Variants in NMBR observed in about 807,000 individuals in gnomAD.
The protein encoded by NMBR is neuromedin-B receptor.
A neutral mutation model predicts 20.5 loss-of-function variants in NMBR; 16 were observed. The ratio of observed to expected loss-of-function variants is 0.78; its 90% CI spans 0.53 to 1.19. The LOEUF is 1.19. Ranked by LOEUF, NMBR falls within the 50% of genes most tolerant of loss-of-function variation. NMBR has a pLI of 0.00. For missense variants in NMBR, 582 were observed against 499.1 expected, an observed-to-expected ratio of 1.17 and a Z score of -1.58; for synonymous variants, 212 against 196.6, an observed-to-expected ratio of 1.08 and a Z score of -0.65.
chr6:142,114,689 T>C (rs1777821142), intron 1 of NMBR, among the ~76,000 whole-genome samples: 1 of 152,108 alleles, frequency 6.6e-6, no homozygotes, highest in African/African-American at 2.4e-5. Context: ...TAACTATATT[T>C]AATATACAGA....
chr6:142,089,559 C>G (rs1191225966), intron 1 of NMBR, among the ~76,000 whole-genome samples: 1 of 152,094 alleles, frequency 6.6e-6, no homozygotes, highest in Non-Finnish European at 1.5e-5. Flanking sequence ...ACAATCTAGC[C>G]ACCATCTCCC....
At chr6:142,145,778 T>G (rs1358440618) in intron 1 of NMBR, among the ~76,000 whole-genome samples, 1 of 152,246 alleles carries the variant, frequency 6.6e-6, no homozygotes, top group Non-Finnish European at 1.5e-5. Flanking sequence ...GCACTGGTCC[T>G]TAACCCTAGA....
intron 1 of NMBR, among the ~76,000 whole-genome samples, chr6:142,140,732 T>C (rs936032549): frequency 2.6e-5 from 4 of 152,222 alleles, no homozygotes; most frequent in Middle Eastern, 3.4e-3. Flanking sequence ...AGAAAATAAA[T>C]GGGAAAAGAT....
chr6:142,085,348 A>C (rs957955067), intron 2 of NMBR, among the ~76,000 whole-genome samples: 1 of 152,124 alleles, frequency 6.6e-6, no homozygotes, highest in South Asian at 2.1e-4. Flanking sequence ...ACATGGTGAA[A>C]CCCTGTCTCT....
At chr6:142,095,022 G>A (rs562562990) in intron 1 of NMBR, among the ~76,000 whole-genome samples, 2 of 152,218 alleles carry the variant, frequency 1.3e-5, no homozygotes, top group African/African-American at 4.8e-5. Flanking sequence ...GAATTTGCTG[G>A]AGTTGCCTAT....
chr6:142,146,449 G>A (rs1009934432), intron 1 of NMBR, among the ~76,000 whole-genome samples: 1 of 152,184 alleles, frequency 6.6e-6, no homozygotes, highest in African/African-American at 2.4e-5. Flanking sequence ...GGATGGAGAG[G>A]AGAGGAAGAG....
At chr6:142,116,544 A>C (rs1327854079) in intron 1 of NMBR, among the ~76,000 whole-genome samples, 1 of 152,034 alleles carries the variant, frequency 6.6e-6, no homozygotes, top group East Asian at 1.9e-4. Flanking sequence ...ACATCTTGAC[A>C]ATCAAGAGAA....
rs763405993 is a variant in NMBR, at chr6:142,078,666, A to G, written c.660T>C (p.Tyr220=). 1 of 1,613,828 alleles carries G rather than the reference A, an allele frequency of 6.2e-7. No individual in the cohort carries two copies. The highest frequency in any genetic ancestry group is 8.5e-7 in the Non-Finnish European group (1 of 1,179,694). Residue 220 remains tyrosine (Y), a synonymous_variant, in exon 3 of 4, where the codon TAT becomes TAC. Transcript: ENST00000258042. ...KIHSVLIFLV[Y]FLIPLAIISI... The stretch of plus-strand genomic sequence containing the variant: ...TAATAATAGCAAGTGGTATGAGGAA[A>G]TAGACCAAGAAAATGAGCACTGAAT...
chr6:142,076,007 C>G lies in NMBR; in HGVS notation c.814G>C (p.Val272Leu). 3 of 1,605,918 alleles carry G rather than the reference C, an allele frequency of 1.9e-6. No homozygotes were observed. The highest frequency in any genetic ancestry group is 2.5e-6 in the Non-Finnish European group (3 of 1,177,002). Residue 272 changes from valine to leucine, a missense_variant, in exon 4 of 4, where the codon GTG (valine) becomes CTG (leucine). By Grantham distance (32) the Val-to-Leu change is conservative (BLOSUM62 1). Coordinates refer to ENST00000258042, the MANE Select transcript of NMBR (RefSeq NM_002511.4). Reference sequence around the variant, plus strand: ...AACCAACAGAAGATGAAACAGCCCACAAAGACAAGCACAATTTTAGCCAGG... The same window carrying G: ...AACCAACAGAAGATGAAACAGCCCAGAAAGACAAGCACAATTTTAGCCAGG... Reference protein sequence around the residue: ...KRLAKIVLVFVGCFIFCWFPN... With the variant: ...KRLAKIVLVFLGCFIFCWFPN...
rs527983588 is a variant in NMBR, at chr6:142,095,090, A to G, written c.-663-5769T>C. On this transcript the variant is annotated intron_variant, in intron 1 of 3. Transcript: ENST00000258042. ...GGTTTTCTAGATATACAATCATGTCATCTGCAAACAGGGACAATTTGACTT... is the reference window on the plus strand; with the variant it reads ...GGTTTTCTAGATATACAATCATGTCGTCTGCAAACAGGGACAATTTGACTT... Among the ~76,000 whole-genome samples the G allele has an allele frequency of 3.3e-5, 5 of 152,178 alleles. No homozygotes were observed. The South Asian group carries it at 6.2e-4, about 19-fold the overall frequency.
At chr6:142,139,887 G>A (rs963801427) in intron 1 of NMBR, among the ~76,000 whole-genome samples, 1 of 152,106 alleles carries the variant, frequency 6.6e-6, no homozygotes, top group African/African-American at 2.4e-5. Flanking sequence ...AAATTAATAA[G>A]AGCATCAAAA....
intron 1 of NMBR, among the ~76,000 whole-genome samples, chr6:142,098,283 G>A (rs1777497955): frequency 6.6e-6 from 1 of 152,080 alleles, no homozygotes; most frequent in South Asian, 2.1e-4. Flanking sequence ...GAAGAAAAAT[G>A]TGTACTCTCA....
chr6:142,127,837 T>C (rs1317813697), intron 1 of NMBR, among the ~76,000 whole-genome samples: 1 of 152,138 alleles, frequency 6.6e-6, no homozygotes, highest in East Asian at 1.9e-4. Flanking sequence ...GTGTTGATTT[T>C]GTGTCCTGCA....
chr6:142,131,617 C>T (rs560585464), intron 1 of NMBR, among the ~76,000 whole-genome samples: 5 of 152,258 alleles, frequency 3.3e-5, no homozygotes, highest in African/African-American at 9.6e-5. Flanking sequence ...AGCAACATCC[C>T]TCCTCAGCCT....
At chr6:142,124,559 T>A (rs928695486) in intron 1 of NMBR, among the ~76,000 whole-genome samples, 1 of 151,886 alleles carries the variant, frequency 6.6e-6, no homozygotes, top group Non-Finnish European at 1.5e-5. Flanking sequence ...AAATGCACTC[T>A]CAAGTCTTCT....
At chr6:142,132,145 G>T (rs1269189472) in intron 1 of NMBR, among the ~76,000 whole-genome samples, 1 of 152,188 alleles carries the variant, frequency 6.6e-6, no homozygotes, top group African/African-American at 2.4e-5. Context: ...CATGTATCAT[G>T]CAGTCACTTC....
At chr6:142,099,437 C>T (rs1340899934) in intron 1 of NMBR, among the ~76,000 whole-genome samples, 1 of 152,114 alleles carries the variant, frequency 6.6e-6, no homozygotes, top group Admixed American at 6.6e-5. Flanking sequence ...CGAAAAGAGA[C>T]AGAGTGTGAA....
chr6:142,144,315 G>A (rs1239044941), intron 1 of NMBR, among the ~76,000 whole-genome samples: 1 of 152,156 alleles, frequency 6.6e-6, no homozygotes, highest in African/African-American at 2.4e-5. Flanking sequence ...CTGATGCCCT[G>A]TCATTTGCCA....
intron 1 of NMBR, among the ~76,000 whole-genome samples, chr6:142,114,743 T>C (rs1330194629): frequency 1.3e-5 from 2 of 152,116 alleles, no homozygotes; most frequent in African/African-American, 4.8e-5. Context: ...GTAAAGGTGG[T>C]AACATAACAC....
Sources: allele counts gnomAD v4.1 joint callset (sites outside exome capture counted in the v4.1 genomes callset), GRCh38; gene constraint gnomAD v4.1.1; transcripts MANE v1.5; gene names NCBI Gene and HGNC (gene_info 2026-07-23, HGNC 2026-07-21).